The following MISP variants were observed in gnomAD, a reference collection of about 807,000 sequenced individuals.
The protein encoded by MISP is mitotic interactor and substrate of PLK1.
Under a neutral mutation model 49.3 loss-of-function variants are expected in MISP, and 51 were observed. That is an observed-to-expected ratio of 1.03 (90% CI 0.83 to 1.31). The LOEUF (loss-of-function observed/expected upper bound fraction) is 1.31. Among genes scored for constraint, MISP ranks in the 50% most tolerant of loss-of-function variants. The pLI, the probability that MISP is intolerant of heterozygous loss-of-function variation, is 0.00. For synonymous variants in MISP, 444 were observed against 392.6 expected (o/e 1.13, Z -1.55); for missense variants, 1,084 against 935.1 (o/e 1.16, Z -2.08).
upstream of MISP, chr19:751,105 G>C (rs984772389): frequency 6.6e-6 from 1 of 152,540 alleles, no homozygotes; most frequent in African/African-American, 2.4e-5. Context: ...GGGCGGAGCT[G>C]GGAGGCCTCT....
At position 758,483 on chromosome 19, in the gene MISP, GC is replaced by G. The variant is rs1271769152; in HGVS notation, c.1541del (p.Pro514GlnfsTer23). On this transcript the variant is annotated frameshift_variant, in exon 2 of 5. Transcript: ENST00000215582. LOFTEE classifies it high-confidence loss of function. ...YFRLRPLRFR[A>X]PDEPQQAQVP... ...CCGCCTGCGTCCTCTGCGGTTCAGG[GC>G]CCCAGACGAGCCCCAGCAGGCCCAA... The G allele has an allele frequency of 6.2e-7, 1 of 1,614,112 alleles. No homozygotes were observed. The highest frequency in any genetic ancestry group is 8.5e-7 in the Non-Finnish European group (1 of 1,180,002).
chr19:762,914 C>A (rs2033696482), intron 4 of MISP, among the ~76,000 whole-genome samples: 1 of 152,152 alleles, frequency 6.6e-6, no homozygotes, highest in Non-Finnish European at 1.5e-5. Flanking sequence ...TCAAGGGATC[C>A]TCCCACCTCA....
chr19:764,229 T>G lies in MISP; in HGVS notation c.*639T>G, dbSNP rs1040360669. The G allele has an allele frequency of 1.3e-5, 2 of 152,246 alleles. No homozygotes were observed. The highest frequency in any genetic ancestry group is 2.9e-5 in the Non-Finnish European group (2 of 68,104). The allele number at this position is 152,246 out of a possible 1,614,324, so 9.4% of individuals were successfully genotyped here. ...TCCCATGAGGATGGTCCCCTTCACC[T>G]GGGAGAAAAGTGACCCAGTTTAGGA... On this transcript the variant is annotated 3_prime_UTR_variant, in exon 5 of 5. Transcript: ENST00000215582.
rs2033463911 is a variant in MISP at position 751,813 on chromosome 19, A to G, written c.-58+642A>G. On this transcript the variant is annotated intron_variant, in intron 1 of 4. Coordinates refer to ENST00000215582, the MANE Select transcript of MISP (RefSeq NM_173481.4). The stretch of plus-strand genomic sequence containing the variant: ...GGAGCCCAAGGAGCTGAGATGACTC[A>G]AGGGTGACTGCAACCCTGAGGGATG... Among the ~76,000 whole-genome samples the G allele has an allele frequency of 3.9e-5, 6 of 152,280 alleles. No homozygotes were observed. The South Asian group carries it at 1.2e-3, about 32-fold the overall frequency.
chr19:763,536 C>T lies in MISP; in HGVS notation c.1986C>T (p.Asn662=), dbSNP rs570789041. ...CCATACGGGTGACCCGTCACAAGAA[C>T]GCCATGGCAGAGCGCTGGGAATCCC... ...LEAIRVTRHK[N]AMAERWESRI... The change falls in exon 5 of 5, where the codon AAC becomes AAT. Residue 662 remains asparagine, a synonymous_variant. Transcript: ENST00000215582. 268 of 1,614,076 alleles carry T rather than the reference C, an allele frequency of 1.7e-4. 2 individuals are homozygous for T. In the South Asian group the frequency reaches 2.3e-3, roughly 14 times the overall value.
chr19:752,037 G>A (rs2033467289), intron 1 of MISP, among the ~76,000 whole-genome samples: 1 of 152,148 alleles, frequency 6.6e-6, no homozygotes, highest in Non-Finnish European at 1.5e-5. Context: ...GGGGCTTCCT[G>A]TAGGAGGGGG....
In MISP at chr19:752,036, T is replaced by C. The variant is rs1268371354; in HGVS notation, c.-58+865T>C. 1.3e-5 allele frequency among the ~76,000 whole-genome samples: 2 copies of C among 152,120 alleles called. 1 individual carries two copies. On this transcript the variant is annotated intron_variant, in intron 1 of 4. Transcript: ENST00000215582. ...GGGAGGAGCAACCCAGGGGGCTTCC[T>C]GTAGGAGGGGGTGATTTGGAGCAAA... is the stretch of plus-strand genomic sequence containing the variant.
rs986654023 is a variant in MISP at position 757,547 on chromosome 19, C to T, written c.601C>T (p.Leu201=). The T allele has an allele frequency of 1.2e-6, 2 of 1,612,456 alleles. No individual in the cohort carries two copies. The highest frequency in any genetic ancestry group is 1.7e-6 in the Non-Finnish European group (2 of 1,179,568). Residue 201 remains leucine (L), a synonymous_variant, in exon 2 of 5, where the codon CTG becomes TTG. Coordinates refer to ENST00000215582, the MANE Select transcript of MISP (RefSeq NM_173481.4). ...IDFLAARQQF[L]SLEQANKGAP... is the part of the protein sequence containing the mutation. ...CTTCCTGGCAGCGAGACAGCAGTTC[C>T]TGAGTCTGGAGCAGGCGAACAAGGG...
upstream of MISP, chr19:751,075 C>G (rs1023693940): frequency 1.3e-5 from 2 of 152,496 alleles, no homozygotes; most frequent in Non-Finnish European, 2.9e-5. Flanking sequence ...GGCCTCTGTT[C>G]CCTGGCAACC....
upstream of MISP, chr19:751,054 C>G (rs1338758334): frequency 6.6e-6 from 1 of 152,546 alleles, no homozygotes; most frequent in Non-Finnish European, 1.5e-5. Context: ...ACACCTGCCT[C>G]CCCTGGGTGG....
At position 758,244 on chromosome 19, in the gene MISP, C is replaced by A. The variant is rs1170586431; in HGVS notation, c.1298C>A (p.Thr433Asn). 6.2e-7 allele frequency: 1 copy of A among 1,613,488 alleles called. No homozygotes were observed. The highest frequency in any genetic ancestry group is 8.5e-7 in the Non-Finnish European group (1 of 1,179,962). ...DAYQPYLSPG[T>N]PQLEFSAFGA... ...TACCAGCCGTACCTGAGCCCCGGGACCCCCCAGCTAGAATTCTCAGCCTTC... is the reference window on the plus strand; with the variant it reads ...TACCAGCCGTACCTGAGCCCCGGGAACCCCCAGCTAGAATTCTCAGCCTTC... The change falls in exon 2 of 5, where the codon ACC (threonine) becomes AAC (asparagine). Residue 433 changes from threonine (T) to asparagine (N), a missense_variant. Physicochemically the swap from Thr to Asn is moderately conservative, Grantham distance 65. Coordinates refer to ENST00000215582, the MANE Select transcript of MISP (RefSeq NM_173481.4).
chr19:757,089 C>G lies in MISP; in HGVS notation c.143C>G (p.Pro48Arg), dbSNP rs373218224. The change falls in exon 2 of 5, where the codon CCG becomes CGG. Residue 48 changes from proline to arginine, a missense_variant. Pro to Arg is a moderately radical substitution (Grantham distance 103, BLOSUM62 -2). Coordinates refer to ENST00000215582, the MANE Select transcript of MISP (RefSeq NM_173481.4). ...GCCAGCGGCTGGGGCCAGGATGAGC[C>G]GCAGACATGGCCCACTGACCACAGG... ...PEASGWGQDE[P>R]QTWPTDHRAQ... 2.3e-5 allele frequency: 37 copies of G among 1,612,750 alleles called. No homozygotes were observed. The highest frequency in any genetic ancestry group is 2.9e-5 in the Non-Finnish European group (34 of 1,179,764).
chr19:751,674 C>T (rs778171372), intron 1 of MISP, among the ~76,000 whole-genome samples: 1 of 152,090 alleles, frequency 6.6e-6, no homozygotes, highest in Non-Finnish European at 1.5e-5. Flanking sequence ...GAAGGAGTCT[C>T]AGGCCGGGGC....
intron 1 of MISP, among the ~76,000 whole-genome samples, chr19:754,886 T>C (rs1472634226): frequency 6.8e-6 from 1 of 146,230 alleles, no homozygotes; most frequent in Non-Finnish European, 1.5e-5. Context: ...TGGTTTGGGT[T>C]GGAGGAAGAG....
rs1276719732 is a variant in MISP at position 760,316 on chromosome 19, TGGA to T, written c.1911+287_1911+289del. ...CAAAGACCAAAGGACCAACTCTGCT[TGGA>T]GGAGGAGGACACTGGCAATTTGTCA... On this transcript the variant is annotated intron_variant, in intron 3 of 4. Coordinates refer to ENST00000215582, the MANE Select transcript of MISP (RefSeq NM_173481.4). 3.7e-5 allele frequency: 12 copies of T among 322,182 alleles called. No individual in the cohort carries two copies. The East Asian group carries it at 5.9e-4, about 16-fold the overall frequency. 20.0% of individuals were successfully genotyped at this position (322,182 alleles called of 1,614,324 possible). A position where few individuals can be genotyped will look rare whatever the true frequency, so the allele number is the denominator to read the frequency against.
At chr19:761,206 C>T (rs1018062302) in intron 3 of MISP, among the ~76,000 whole-genome samples, 9 of 146,700 alleles carry the variant, frequency 6.1e-5, no homozygotes, top group Non-Finnish European at 1.0e-4. Context: ...TCTCCTGCCT[C>T]GGCCTCCCGT....
intron 4 of MISP, among the ~76,000 whole-genome samples, chr19:763,132 C>T (rs1020512198): frequency 6.6e-6 from 1 of 152,124 alleles, no homozygotes; most frequent in Admixed American, 6.6e-5. Context: ...AAAAAATTAG[C>T]CAGGCGCCGT....
intron 1 of MISP, among the ~76,000 whole-genome samples, chr19:755,970 G>T (rs1248006418): frequency 6.6e-6 from 1 of 152,016 alleles, no homozygotes; most frequent in Non-Finnish European, 1.5e-5. Flanking sequence ...GACTCCACAG[G>T]GCAGGTGTGT....
chr19:752,269 G>A (rs1016456749), intron 1 of MISP, among the ~76,000 whole-genome samples: 11 of 152,194 alleles, frequency 7.2e-5, no homozygotes, highest in African/African-American at 1.9e-4. Flanking sequence ...CTCTTCCCCC[G>A]AGGGCAGCGC....
Sources: allele counts gnomAD v4.1 joint callset (sites outside exome capture counted in the v4.1 genomes callset), GRCh38; gene constraint gnomAD v4.1.1; transcripts MANE v1.5; gene names NCBI Gene and HGNC (gene_info 2026-07-23, HGNC 2026-07-21).